RDH10: variants seen among roughly 807,000 people sequenced by gnomAD.
RDH10 encodes retinol dehydrogenase 10.
RDH10 carries 12 observed loss-of-function variants against 30.2 expected under a neutral mutation model. The ratio of observed to expected loss-of-function variants is 0.40; its 90% CI spans 0.25 to 0.64. The LOEUF is 0.64. Ranked by LOEUF, RDH10 falls within the 30% of genes least tolerant of loss-of-function variation. The pLI is 0.43. For synonymous variants in RDH10, 189 were observed against 172.2 expected (o/e 1.10, Z -0.76); for missense variants, 268 against 445.2 (o/e 0.60, Z 3.58).
intron 1 of RDH10, chr8:73,296,897 T>C: frequency 2.6e-6 from 1 of 379,680 alleles, no homozygotes. Context: ...TCTTTGCAGG[T>C]GTCTTTAGCT....
chr8:73,310,733 G>A (rs966217355), intron 2 of RDH10, among the ~76,000 whole-genome samples: 4 of 152,172 alleles, frequency 2.6e-5, no homozygotes, highest in Non-Finnish European at 4.4e-5. Flanking sequence ...ATTAAATAGG[G>A]GGAGGGGCCT....
intron 1 of RDH10, 80 bp downstream of exon 1, chr8:73,295,658 C>T: frequency 2.3e-6 from 3 of 1,327,918 alleles, no homozygotes; most frequent in Non-Finnish European, 3.0e-6. Flanking sequence ...CCCCAAACCC[C>T]GCTGCCTGGT....
intron 5 of RDH10, 40 bp from the exon 6 acceptor site, chr8:73,322,873 A>G (rs1166940647): frequency 6.2e-7 from 1 of 1,613,790 alleles, no homozygotes; most frequent in South Asian, 1.1e-5. Flanking sequence ...TCTTAATTGA[A>G]ACTTCAAGTT....
rs557744904 is a variant in RDH10, at chr8:73,301,177, A to T, written c.525+3748A>T. Among the ~76,000 whole-genome samples the T allele has an allele frequency of 3.4e-5, 5 of 147,762 alleles. No individual in the cohort carries two copies. The East Asian group carries it at 8.2e-4, about 24-fold the overall frequency. On this transcript the variant is annotated intron_variant, in intron 2 of 5. Coordinates refer to ENST00000240285, the MANE Select transcript of RDH10 (RefSeq NM_172037.5). ...GCCATTCTCCTGCCTCAGCCTCCCG[A>T]GTAGCTGGGACTACAGGCGCCCGCT...
At chr8:73,312,923 C>A (rs1448105379) in intron 2 of RDH10, 1 of 152,204 alleles carries the variant, frequency 6.6e-6, no homozygotes, top group African/African-American at 2.4e-5. Context: ...ACAGGACAGT[C>A]GTGTATGTGC....
chr8:73,303,641 G>A (rs2130361492), intron 2 of RDH10, among the ~76,000 whole-genome samples: 1 of 152,256 alleles, frequency 6.6e-6, no homozygotes, highest in East Asian at 1.9e-4. Context: ...AAATTGACCT[G>A]GGGTCAATTT....
At chr8:73,313,543 A>C (rs910389515) in intron 2 of RDH10, 1 of 152,064 alleles carries the variant, frequency 6.6e-6, no homozygotes, top group African/African-American at 2.4e-5. Context: ...CAAATTAATC[A>C]TGGTAGTCAA....
At chr8:73,311,289 C>T (rs1814560152) in intron 2 of RDH10, 1 of 152,176 alleles carries the variant, frequency 6.6e-6, no homozygotes, top group South Asian at 2.1e-4. Flanking sequence ...TTTCTGGATT[C>T]CAAAGGCCAG....
intron 2 of RDH10, chr8:73,315,420 G>A (rs940196365): frequency 9.9e-6 from 3 of 302,192 alleles, no homozygotes; most frequent in Non-Finnish European, 2.1e-5. Context: ...CCCTCCTTAT[G>A]GACAAACTGG....
At chr8:73,318,669 A>G (rs957451713) in intron 2 of RDH10, among the ~76,000 whole-genome samples, 2 of 152,240 alleles carry the variant, frequency 1.3e-5, no homozygotes, top group African/African-American at 4.8e-5. Context: ...CGTAAGGCAC[A>G]CATTAATACA....
At chr8:73,320,475 G>T (rs141030243) in intron 3 of RDH10, among the ~76,000 whole-genome samples, 25 of 137,470 alleles carry the variant, frequency 1.8e-4, no homozygotes, top group Non-Finnish European at 2.5e-4. Flanking sequence ...TTTTGTTTTT[G>T]TTTTTTTTTT....
chr8:73,319,910 T>C (rs539966063), intron 3 of RDH10, among the ~76,000 whole-genome samples: 20 of 152,370 alleles, frequency 1.3e-4, no homozygotes, highest in African/African-American at 4.6e-4. Flanking sequence ...ATATATGTTG[T>C]TCTATCCTGT....
chr8:73,308,351 T>G (rs1814497726), intron 2 of RDH10, among the ~76,000 whole-genome samples: 3 of 152,344 alleles, frequency 2.0e-5, no homozygotes, highest in Admixed American at 2.0e-4. Context: ...TTCAAAATTG[T>G]GCACTTTGGG....
chr8:73,307,254 G>A (rs1220268255), intron 2 of RDH10, among the ~76,000 whole-genome samples: 1 of 152,112 alleles, frequency 6.6e-6, no homozygotes. Context: ...GGATGAAAGG[G>A]ACTAGGCAGC....
intron 1 of RDH10, 92 bp from the exon 2 acceptor site, chr8:73,297,102 G>T: frequency 2.6e-6 from 2 of 756,704 alleles, no homozygotes; most frequent in African/African-American, 1.7e-5. Flanking sequence ...TTTGTTTTGT[G>T]TGATCTTTGT....
chr8:73,316,855 G>C (rs532803684), intron 2 of RDH10, among the ~76,000 whole-genome samples: 2 of 152,062 alleles, frequency 1.3e-5, no homozygotes, highest in South Asian at 4.1e-4. Flanking sequence ...ACCCGATCTC[G>C]CAAGAACTCA....
chr8:73,297,969 G>C (rs1814302659), intron 2 of RDH10: 1 of 165,116 alleles, frequency 6.1e-6, no homozygotes, highest in South Asian at 1.6e-4. Flanking sequence ...TCTCGGGTTA[G>C]ACAGTGCCTC....
Position 73,323,207 on chromosome 8 carries a change from A to G in RDH10, c.*171A>G, listed in dbSNP as rs569551315. ...ATTAACCGACTAGAGTACTTGGAAA[A>G]TGTGATCAGTACAAGTGAACTTAGG... is the stretch of plus-strand genomic sequence containing the variant. On this transcript the variant is annotated 3_prime_UTR_variant, in exon 6 of 6. Coordinates refer to ENST00000240285, the MANE Select transcript of RDH10 (RefSeq NM_172037.5). 44 of 573,250 alleles carry G rather than the reference A, an allele frequency of 7.7e-5. No homozygotes were observed. In the East Asian group the frequency reaches 7.7e-4, roughly 10 times the overall value. 35.5% of individuals were successfully genotyped at this position (573,250 alleles called of 1,614,324 possible).
intron 3 of RDH10, 46 bp from the exon 4 acceptor site, chr8:73,320,886 A>AGG (rs767617160): frequency 2.1e-5 from 34 of 1,600,892 alleles, no homozygotes; most frequent in Non-Finnish European, 2.8e-5. Context: ...GGTTGGAGAT[A>AGG]GGGGCATATG....
Sources: gnomAD v4.1 joint callset for allele counts (sites outside exome capture counted in the v4.1 genomes callset) on GRCh38, gnomAD v4.1.1 for gene constraint, MANE v1.5 for transcripts, NCBI Gene and HGNC (gene_info 2026-07-23, HGNC 2026-07-21) for gene names.